VIT: variants seen among roughly 807,000 people sequenced by gnomAD.
The protein encoded by VIT is vitrin.
VIT carries 99 observed loss-of-function variants against 78.0 expected under a neutral mutation model. The observed-to-expected ratio is 1.27, with a 90% CI of 1.08 to 1.50. The LOEUF (loss-of-function observed/expected upper bound fraction) is 1.50, where lower values mean the gene tolerates loss of function less well. VIT is among the 40% of genes most tolerant of loss of function. VIT has a pLI of 0.00. For missense variants in VIT, 1,126 were observed against 875.3 expected (o/e 1.29, Z -3.61); for synonymous variants, 374 against 334.3 (o/e 1.12, Z -1.29).
chr2:36,721,011 A>C (rs770537034), intron 2 of VIT, among the ~76,000 whole-genome samples: 16 of 87,756 alleles, frequency 1.8e-4, no homozygotes, highest in Non-Finnish European at 1.2e-4. Flanking sequence ...ACTCCATCTC[A>C]AAAAAAAAAA....
Position 36,716,396 on chromosome 2 carries a change from AGGCAT to A in VIT, c.27_31del (p.Lys9AsnfsTer4). 1 of 1,613,982 alleles carries A rather than the reference AGGCAT, an allele frequency of 6.2e-7. No individual in the cohort carries two copies. The highest frequency in any genetic ancestry group is 8.5e-7 in the Non-Finnish European group (1 of 1,179,908). On this transcript the variant is annotated frameshift_variant, in exon 2 of 16. Coordinates refer to ENST00000379242, the MANE Select transcript of VIT (RefSeq NM_053276.4). LOFTEE classifies it high-confidence loss of function. ...ATGAGGACTGTTGTTCTCACTATGAAGGCATCTGTTATTGAAATGTTCCTTGGTAA... is the reference window on the plus strand; with the variant it reads ...ATGAGGACTGTTGTTCTCACTATGAACTGTTATTGAAATGTTCCTTGGTAA...
intron 15 of VIT, among the ~76,000 whole-genome samples, chr2:36,811,340 T>C (rs1216648779): frequency 6.6e-6 from 1 of 152,208 alleles, no homozygotes; most frequent in Non-Finnish European, 1.5e-5. Flanking sequence ...ACATCATCAC[T>C]TTTTTTTCTA....
chr2:36,772,275 G>A (rs1321616018), intron 7 of VIT, among the ~76,000 whole-genome samples: 1 of 151,850 alleles, frequency 6.6e-6, no homozygotes, highest in Non-Finnish European at 1.5e-5. Context: ...CGTGGCTCAC[G>A]CCTGTAATCC....
chr2:36,799,323 C>T (rs1666143798), intron 12 of VIT, among the ~76,000 whole-genome samples: 1 of 152,206 alleles, frequency 6.6e-6, no homozygotes, highest in Non-Finnish European at 1.5e-5. Context: ...CACTAAGAAT[C>T]AACCCATGGT....
intron 9 of VIT, among the ~76,000 whole-genome samples, chr2:36,776,908 T>C (rs1670089526): frequency 1.3e-5 from 2 of 150,684 alleles, no homozygotes; most frequent in Non-Finnish European, 3.0e-5. Context: ...GCTAACACGG[T>C]GAAACTCCGT....
At chr2:36,698,388 A>C (rs1664802028) in intron 1 of VIT, among the ~76,000 whole-genome samples, 1 of 152,224 alleles carries the variant, frequency 6.6e-6, no homozygotes, top group African/African-American at 2.4e-5. Flanking sequence ...AATGGTTCTC[A>C]GCTATGATTC....
At position 36,814,391 on chromosome 2, in the gene VIT, C is replaced by T; in HGVS notation, c.*30C>T. ...AGAGCAGGCAGAGCACCAGCAAGTG[C>T]TGCTTTACTAACTGACGTGTTGGAC... is the stretch of plus-strand genomic sequence containing the variant. On this transcript the variant is annotated 3_prime_UTR_variant, in exon 16 of 16. Coordinates refer to ENST00000379242, the MANE Select transcript of VIT (RefSeq NM_053276.4). 1 of 1,611,178 alleles carries T rather than the reference C, an allele frequency of 6.2e-7. No homozygotes were observed. The highest frequency in any genetic ancestry group is 8.5e-7 in the Non-Finnish European group (1 of 1,178,320).
chr2:36,763,182 G>T (rs998436641), intron 6 of VIT, among the ~76,000 whole-genome samples: 1 of 152,072 alleles, frequency 6.6e-6, no homozygotes, highest in Non-Finnish European at 1.5e-5. Context: ...GCCCACCCTG[G>T]GTCCAGTGAG....
chr2:36,797,432 T>C (rs568277885), intron 12 of VIT, among the ~76,000 whole-genome samples: 1 of 152,146 alleles, frequency 6.6e-6, no homozygotes, highest in Non-Finnish European at 1.5e-5. Flanking sequence ...GTGAGAGATA[T>C]TTAGAGGTAG....
chr2:36,786,538 GA>G (rs1442536580), intron 11 of VIT, among the ~76,000 whole-genome samples: 1 of 151,864 alleles, frequency 6.6e-6, no homozygotes, highest in South Asian at 2.1e-4. Flanking sequence ...AAGAAAGAAA[GA>G]AAAAAAATCT....
chr2:36,794,493 A>G (rs950174809), intron 12 of VIT, among the ~76,000 whole-genome samples: 4 of 152,242 alleles, frequency 2.6e-5, no homozygotes, highest in Admixed American at 6.5e-5. Flanking sequence ...ATCTCGGAAA[A>G]GGACACATAT....
chr2:36,739,578 A>G (rs13382207), intron 3 of VIT, among the ~76,000 whole-genome samples: 6,110 of 152,196 alleles, frequency 0.04, 377 homozygotes, highest in African/African-American at 0.14. Context: ...GTAATCCTAC[A>G]GTTCGATCTG....
intron 11 of VIT, among the ~76,000 whole-genome samples, chr2:36,786,088 G>A (rs1159940893): frequency 1.3e-5 from 2 of 152,094 alleles, no homozygotes; most frequent in Non-Finnish European, 2.9e-5. Context: ...CCGTCTGGCC[G>A]CTGCTCCCCA....
chr2:36,787,934 G>A (rs11899290), intron 12 of VIT: 4,602 of 387,570 alleles, frequency 0.012, 162 homozygotes, highest in African/African-American at 0.086. Context: ...TGGAGGGCTC[G>A]TGTTGACATC....
intron 6 of VIT, among the ~76,000 whole-genome samples, chr2:36,764,654 G>A (rs890316235): frequency 6.6e-6 from 1 of 152,204 alleles, no homozygotes. Context: ...ATGCCTGCAA[G>A]AGCAGACCGA....
chr2:36,727,475 G>C (rs1666927724), intron 2 of VIT, among the ~76,000 whole-genome samples: 1 of 152,188 alleles, frequency 6.6e-6, no homozygotes, highest in East Asian at 1.9e-4. Flanking sequence ...TTAATTCATG[G>C]GATGAGACAA....
In VIT at chr2:36,759,285, C is replaced by A; in HGVS notation, c.487+239C>A. The A allele has an allele frequency of 3.4e-6, 5 of 1,458,372 alleles. No individual in the cohort carries two copies. In the South Asian group the frequency reaches 7.3e-5, roughly 21 times the overall value. 90.3% of individuals were successfully genotyped at this position (1,458,372 alleles called of 1,614,324 possible). A position where few individuals can be genotyped will look rare whatever the true frequency, so the allele number is the denominator to read the frequency against. On this transcript the variant is annotated intron_variant, in intron 6 of 15. Coordinates refer to ENST00000379242, the MANE Select transcript of VIT (RefSeq NM_053276.4). ...CGAGATTGTGTCTCTATATTTGTGTCATTTTCATTCAGATTGACTGTTGCC... is the reference window on the plus strand; with the variant it reads ...CGAGATTGTGTCTCTATATTTGTGTAATTTTCATTCAGATTGACTGTTGCC...
chr2:36,812,774 C>T (rs1667270133), intron 15 of VIT, among the ~76,000 whole-genome samples: 1 of 152,174 alleles, frequency 6.6e-6, no homozygotes. Context: ...TCTCAACTCA[C>T]AGTAGTTCAT....
rs1335742240 is a variant in VIT at position 36,792,402 on chromosome 2, C to T, written c.1058+5126C>T. On this transcript the variant is annotated intron_variant, in intron 12 of 15. Coordinates refer to ENST00000379242, the MANE Select transcript of VIT (RefSeq NM_053276.4). ...ATTCTGAGGTTTTTCTTCTGCCTCC[C>T]ATGCTTTTATTTCCCTATCATGCAG... 2.6e-5 allele frequency among the ~76,000 whole-genome samples: 4 copies of T among 152,178 alleles called. No individual in the cohort carries two copies. The East Asian group carries it at 7.7e-4, about 29-fold the overall frequency.
Sources: allele counts gnomAD v4.1 joint callset (sites outside exome capture counted in the v4.1 genomes callset), GRCh38; gene constraint gnomAD v4.1.1; transcripts MANE v1.5; gene names NCBI Gene and HGNC (gene_info 2026-07-23, HGNC 2026-07-21).